TTLL7: variants seen among roughly 807,000 people sequenced by gnomAD.
TTLL7 encodes tubulin polyglutamylase TTLL7.
In TTLL7, 53 loss-of-function variants were observed where a neutral mutation model predicts 120.2. That is an observed-to-expected ratio of 0.44 (90% confidence interval 0.35 to 0.55). TTLL7 has a LOEUF of 0.55. Among genes scored for constraint, TTLL7 ranks in the 20% least tolerant of loss-of-function variants. TTLL7 has a pLI of 0.00. For synonymous variants in TTLL7, 353 were observed against 351.7 expected, an observed-to-expected ratio of 1.00 and a Z score of -0.04; for missense variants, 803 against 1,054.7, an observed-to-expected ratio of 0.76 and a Z score of 3.31.
chr1:83,929,335 C>T lies in TTLL7; in HGVS notation c.1048-105G>A, dbSNP rs180792520. 51 of 752,176 alleles carry T rather than the reference C, an allele frequency of 6.8e-5. No individual in the cohort carries two copies. The African/African-American group carries it at 7.6e-4, about 11-fold the overall frequency. The allele number at this position is 752,176 out of a possible 1,614,324, so 46.6% of individuals were successfully genotyped here. A position where few individuals can be genotyped will look rare whatever the true frequency, so the allele number is the denominator to read the frequency against. ...GCCAGTAGAACAACTCTACATTAAA[C>T]CTCAAAGCTTTACATGGCAGATGGC... is the stretch of plus-strand genomic sequence containing the variant. On this transcript the variant is annotated intron_variant, in intron 9 of 20. Transcript: ENST00000260505.
At chr1:83,907,865 T>C (rs1339194544) in intron 15 of TTLL7, among the ~76,000 whole-genome samples, 4 of 152,118 alleles carry the variant, frequency 2.6e-5, no homozygotes, top group African/African-American at 9.6e-5. Context: ...CCCTGTAATG[T>C]ATAAAAAATG....
intron 3 of TTLL7, among the ~76,000 whole-genome samples, chr1:83,950,208 C>T (rs1474614802): frequency 6.6e-6 from 1 of 152,090 alleles, no homozygotes; most frequent in African/African-American, 2.4e-5. Context: ...TCCTTCCTTT[C>T]GATCTTCTCA....
chr1:83,957,034 G>T (rs1383470244), intron 1 of TTLL7, among the ~76,000 whole-genome samples: 1 of 152,140 alleles, frequency 6.6e-6, no homozygotes, highest in Non-Finnish European at 1.5e-5. Context: ...TCATTTAAAT[G>T]AAAGTATAAT....
intron 7 of TTLL7, among the ~76,000 whole-genome samples, chr1:83,938,399 C>T (rs1041183230): frequency 6.6e-6 from 1 of 152,146 alleles, no homozygotes; most frequent in Non-Finnish European, 1.5e-5. Flanking sequence ...TCACTCAAAT[C>T]TGTTTTGGGA....
intron 14 of TTLL7, among the ~76,000 whole-genome samples, chr1:83,917,222 G>A (rs1204647767): frequency 1.3e-5 from 2 of 152,058 alleles, no homozygotes; most frequent in Non-Finnish European, 2.9e-5. Flanking sequence ...GCAAAAGACA[G>A]GGCTTCTAAT....
Position 83,942,489 on chromosome 1 carries a change from A to T in TTLL7, c.697T>A (p.Tyr233Asn). The change falls in exon 7 of 21, where the codon TAC (tyrosine) becomes AAC (asparagine). Residue 233 changes from tyrosine to asparagine, a missense_variant. Around this residue, in one of 3 missense-constraint regions of TTLL7, gnomAD observed 324 missense variants for 507.7 expected, o/e 0.64. Coordinates refer to ENST00000260505, the MANE Select transcript of TTLL7 (RefSeq NM_024686.6). The stretch of plus-strand genomic sequence containing the variant: ...AAATTGGACTCATTAGGTGGAATGT[A>T]CTTCTCTGTACCCATTCGCACAAGC... ...DGLVRMGTEK[Y>N]IPPNESNLTQ... 1 of 1,613,916 alleles carries T rather than the reference A, an allele frequency of 6.2e-7. No homozygotes were observed. Among genetic ancestry groups the T allele is most frequent in the East Asian group, 2.2e-5 (1 of 44,846 alleles).
At chr1:83,877,678 C>T (rs180792931) in intron 20 of TTLL7, among the ~76,000 whole-genome samples, 59 of 151,806 alleles carry the variant, frequency 3.9e-4, no homozygotes, top group Admixed American at 2.3e-3. Flanking sequence ...TCTGTAGTAA[C>T]GTCTCCCTTT....
intron 1 of TTLL7, among the ~76,000 whole-genome samples, chr1:83,966,768 C>T (rs1164658643): frequency 6.6e-6 from 1 of 152,046 alleles, no homozygotes; most frequent in Non-Finnish European, 1.5e-5. Context: ...CTTATAATCA[C>T]TGTCAAGTGG....
intron 1 of TTLL7, among the ~76,000 whole-genome samples, chr1:83,966,075 T>C (rs901562319): frequency 6.6e-6 from 1 of 152,154 alleles, no homozygotes; most frequent in African/African-American, 2.4e-5. Context: ...GGATGTTGCT[T>C]TGAAGATACT....
chr1:83,870,148 T>C lies in TTLL7; in HGVS notation c.2544-66A>G, dbSNP rs1297162619. ...TTATAACTAACTCACTAAAGGGTTA[T>C]GTGGTTAGCAATTTACGTAGTCTAT... is the stretch of plus-strand genomic sequence containing the variant. On this transcript the variant is annotated intron_variant, in intron 20 of 20. Coordinates refer to ENST00000260505, the MANE Select transcript of TTLL7 (RefSeq NM_024686.6). The C allele has an allele frequency of 2.4e-5, 35 of 1,429,026 alleles. No homozygotes were observed. In the Admixed American group the frequency reaches 2.8e-4, roughly 11 times the overall value. The allele number at this position is 1,429,026 out of a possible 1,614,324, so 88.5% of individuals were successfully genotyped here.
intron 17 of TTLL7, among the ~76,000 whole-genome samples, chr1:83,905,123 A>T: frequency 6.6e-6 from 1 of 151,990 alleles, no homozygotes; most frequent in Non-Finnish European, 1.5e-5. Context: ...GTCATTGGCT[A>T]TATATAGAAA....
At position 83,933,607 on chromosome 1, in the gene TTLL7, C is replaced by A. The variant is rs1284208569; in HGVS notation, c.1047+1G>T. 6.2e-7 allele frequency: 1 copy of A among 1,609,664 alleles called. No individual in the cohort carries two copies. Among genetic ancestry groups the A allele is most frequent in the Non-Finnish European group, 8.5e-7 (1 of 1,178,564 alleles). On this transcript the variant is annotated splice_donor_variant, in intron 9 of 20. Transcript: ENST00000260505. LOFTEE classifies it high-confidence loss of function. ...TTCTTTTTTCTTAAAGAATGCCTTA[C>A]CTCCAGAAGCCATGGCTTTAGTTTT...
At chr1:83,951,535 C>T (rs1649051684) in intron 3 of TTLL7, among the ~76,000 whole-genome samples, 1 of 152,050 alleles carries the variant, frequency 6.6e-6, no homozygotes, top group African/African-American at 2.4e-5. Context: ...AAATTCACAG[C>T]TTGAAGAGCT....
intron 8 of TTLL7, 145 bp downstream of exon 8, chr1:83,937,707 G>C: frequency 1.2e-6 from 1 of 840,382 alleles, no homozygotes; most frequent in South Asian, 1.6e-5. Context: ...GTGTGGCTGT[G>C]TAATGATCTG....
At position 83,917,998 on chromosome 1, in the gene TTLL7, G is replaced by T. The variant is rs115146652; in HGVS notation, c.1501-308C>A. On this transcript the variant is annotated intron_variant, in intron 13 of 20. Coordinates refer to ENST00000260505, the MANE Select transcript of TTLL7 (RefSeq NM_024686.6). The stretch of plus-strand genomic sequence containing the variant: ...AATACTTCAATAAATTAGCCCATTG[G>T]ACACTAAAATTTCTGGAAAGTTCAT... 4.5e-3 allele frequency among the ~76,000 whole-genome samples: 688 copies of T among 152,070 alleles called. 10 individuals are homozygous for T. Among genetic ancestry groups the T allele is most frequent in the African/African-American group, 0.016 (658 of 41,484 alleles).
intron 18 of TTLL7, among the ~76,000 whole-genome samples, chr1:83,896,945 G>A (rs886165510): frequency 5.9e-5 from 9 of 152,032 alleles, no homozygotes; most frequent in African/African-American, 1.7e-4. Context: ...TTGGCAGAAA[G>A]CTAAATTATG....
intron 10 of TTLL7, among the ~76,000 whole-genome samples, chr1:83,928,127 A>C (rs770621280): frequency 2.0e-5 from 3 of 152,212 alleles, no homozygotes; most frequent in Non-Finnish European, 4.4e-5. Flanking sequence ...TGATACCATA[A>C]ATGGCAACGT....
intron 10 of TTLL7, among the ~76,000 whole-genome samples, chr1:83,923,159 T>C (rs1218151345): frequency 6.9e-6 from 1 of 145,980 alleles, no homozygotes; most frequent in African/African-American, 2.6e-5. Flanking sequence ...TTTCATTTTA[T>C]TATATCTAGA....
chr1:83,877,785 G>C (rs2100700467), intron 20 of TTLL7, among the ~76,000 whole-genome samples: 1 of 151,396 alleles, frequency 6.6e-6, no homozygotes, highest in South Asian at 2.1e-4. Context: ...TCTGCTTTTG[G>C]CTGTGTTTAT....
Sources: gnomAD v4.1 joint callset for allele counts (sites outside exome capture counted in the v4.1 genomes callset) on GRCh38, gnomAD v4.1.1 for gene constraint, gnomAD v4.1.1 regional missense constraint, MANE v1.5 for transcripts, NCBI Gene and HGNC (gene_info 2026-07-23, HGNC 2026-07-21) for gene names.